The following AGBL3 variants were observed in gnomAD, a reference collection of about 807,000 sequenced individuals.
The protein encoded by AGBL3 is cytosolic carboxypeptidase 3.
In AGBL3, 68 loss-of-function variants were observed where a neutral mutation model predicts 94.5. The observed-to-expected ratio is 0.72, with a 90% CI of 0.59 to 0.88. The LOEUF is 0.88. Among genes scored for constraint, AGBL3 ranks in the 40% least tolerant of loss-of-function variants. The pLI is 0.00. For missense variants in AGBL3, 934 were observed against 1,103.8 expected (o/e 0.85, Z 2.18); for synonymous variants, 354 against 370.7 (o/e 0.95, Z 0.52).
At chr7:135,055,523 ATT>A (rs146216484) in intron 11 of AGBL3, among the ~76,000 whole-genome samples, 2 of 151,832 alleles carry the variant, frequency 1.3e-5, no homozygotes, top group East Asian at 3.9e-4. Context: ...TATTGATATA[ATT>A]TTTTTTCTGC....
At chr7:135,132,150 A>C (rs1484153293) in intron 16 of AGBL3, among the ~76,000 whole-genome samples, 2 of 152,216 alleles carry the variant, frequency 1.3e-5, no homozygotes, top group East Asian at 3.8e-4. Flanking sequence ...AGGAGTTCTC[A>C]GTTCATTTTA....
chr7:135,032,092 A>G (rs146856293), intron 5 of AGBL3, among the ~76,000 whole-genome samples: 2 of 152,224 alleles, frequency 1.3e-5, no homozygotes, highest in East Asian at 3.9e-4. Flanking sequence ...TCCAGCAAGT[A>G]CCCCTATGCA....
intron 5 of AGBL3, among the ~76,000 whole-genome samples, chr7:135,029,817 C>T (rs558568478): frequency 2.6e-5 from 4 of 152,170 alleles, no homozygotes; most frequent in Non-Finnish European, 5.9e-5. Context: ...CACTTGAGCA[C>T]ATGGAGGCCA....
intron 4 of AGBL3, among the ~76,000 whole-genome samples, chr7:135,008,990 C>G (rs1812760487): frequency 6.6e-6 from 1 of 152,154 alleles, no homozygotes; most frequent in African/African-American, 2.4e-5. Context: ...CAAGTGCTGA[C>G]AAGCATGTGG....
Position 135,110,440 on chromosome 7 carries a change from C to G in AGBL3, c.2111-4940C>G, listed in dbSNP as rs960650127. On this transcript the variant is annotated intron_variant, in intron 15 of 16. Transcript: ENST00000436302. Reference sequence around the variant, plus strand: ...CCTGAGTAGCTGCTCTGCCAAGACTCCATGTATCAATAACCCTATGTGTCA... The same window carrying G: ...CCTGAGTAGCTGCTCTGCCAAGACTGCATGTATCAATAACCCTATGTGTCA... Among the ~76,000 whole-genome samples the G allele has an allele frequency of 5.3e-5, 8 of 152,134 alleles. 1 individual carries two copies. The highest frequency in any genetic ancestry group is 1.9e-4 in the African/African-American group (8 of 41,428).
At chr7:135,108,715 T>C (rs1825151734) in intron 15 of AGBL3, among the ~76,000 whole-genome samples, 1 of 152,232 alleles carries the variant, frequency 6.6e-6, no homozygotes, top group South Asian at 2.1e-4. Flanking sequence ...GGGTTTCCTG[T>C]ATTTTCTGGA....
At chr7:135,026,172 A>T (rs1815069758) in intron 5 of AGBL3, among the ~76,000 whole-genome samples, 1 of 151,518 alleles carries the variant, frequency 6.6e-6, no homozygotes, top group African/African-American at 2.4e-5. Context: ...AAGACTCAAT[A>T]AATTAAAAAA....
At chr7:135,123,622 AATGTT>A (rs1442041384) in intron 16 of AGBL3, among the ~76,000 whole-genome samples, 1 of 152,144 alleles carries the variant, frequency 6.6e-6, no homozygotes. Flanking sequence ...TGAAGGAAAA[AATGTT>A]AAGGGCAGCC....
At chr7:135,054,073 C>T (rs2116643855) in intron 11 of AGBL3, among the ~76,000 whole-genome samples, 1 of 152,276 alleles carries the variant, frequency 6.6e-6, no homozygotes, top group Middle Eastern at 3.4e-3. Context: ...CAAGTCAGTA[C>T]TGAGAGACCC....
At chr7:134,996,528 A>T (rs1035738001) in intron 4 of AGBL3, among the ~76,000 whole-genome samples, 10 of 152,174 alleles carry the variant, frequency 6.6e-5, no homozygotes, top group Non-Finnish European at 1.0e-4. Flanking sequence ...CAGTCCAGCT[A>T]TAAATTAACT....
intron 11 of AGBL3, 25 bp from the exon 12 acceptor site, chr7:135,059,144 T>A: frequency 6.5e-7 from 1 of 1,538,852 alleles, no homozygotes; most frequent in Non-Finnish European, 8.8e-7. Flanking sequence ...AAACACTGTA[T>A]AAACCAAAAT....
intron 15 of AGBL3, among the ~76,000 whole-genome samples, chr7:135,114,066 G>A (rs1193497721): frequency 6.6e-6 from 1 of 152,062 alleles, no homozygotes; most frequent in Non-Finnish European, 1.5e-5. Flanking sequence ...ATATTCCATT[G>A]TATGAATATA....
At chr7:135,027,941 A>C (rs1011735434) in intron 5 of AGBL3, among the ~76,000 whole-genome samples, 5 of 151,734 alleles carry the variant, frequency 3.3e-5, no homozygotes, top group African/African-American at 1.2e-4. Context: ...CACTGCAATA[A>C]AGTGAATCTC....
chr7:135,004,765 C>T (rs2133428227), intron 4 of AGBL3, among the ~76,000 whole-genome samples: 1 of 151,514 alleles, frequency 6.6e-6, no homozygotes, highest in East Asian at 1.9e-4. Context: ...TAATACTTTA[C>T]ATTGTGTTTT....
At position 134,987,976 on chromosome 7, in the gene AGBL3, A is replaced by G. The variant is rs1351329396; in HGVS notation, c.43A>G (p.Ile15Val). The change falls in exon 2 of 17, where the codon ATC (isoleucine) becomes GTC (valine). Residue 15 changes from isoleucine (I) to valine (V), a missense_variant. Transcript: ENST00000436302. The part of the protein sequence containing the change: ...SEKEDYSDRT[I>V]SDEDESDEDM... ...AAAGGAAGACTATTCAGACAGAACA[A>G]TCAGTGATGAAGATGAATCGGTATG... 1.9e-6 allele frequency: 3 copies of G among 1,546,406 alleles called. No individual in the cohort carries two copies. The highest frequency in any genetic ancestry group is 2.6e-6 in the Non-Finnish European group (3 of 1,145,068).
chr7:135,135,208 A>C lies in AGBL3; in HGVS notation c.2710A>C (p.Asn904His), dbSNP rs1829290034. The part of the protein sequence containing the change: ...HLTKNKDEQA[N>H]KNDGQPTLYL... ...AACTAAAAATAAGGATGAGCAGGCC[A>C]ATAAGAATGATGGACAACCCACCTT... The change falls in exon 17 of 17, where the codon AAT becomes CAT. Residue 904 changes from asparagine (N) to histidine (H), a missense_variant. Asn to His is a moderately conservative substitution (Grantham distance 68). Around this residue, in one of 3 missense-constraint regions of AGBL3, gnomAD observed 441 missense variants for 518.2 expected, o/e 0.85. Coordinates refer to ENST00000436302, the MANE Select transcript of AGBL3 (RefSeq NM_178563.4). The C allele has an allele frequency of 1.3e-6, 2 of 1,544,902 alleles. No individual in the cohort carries two copies. Among genetic ancestry groups the C allele is most frequent in the Non-Finnish European group, 1.7e-6 (2 of 1,144,710 alleles).
At chr7:135,043,782 T>C (rs1243947942) in intron 8 of AGBL3, among the ~76,000 whole-genome samples, 3 of 144,844 alleles carry the variant, frequency 2.1e-5, no homozygotes, top group African/African-American at 5.0e-5. Flanking sequence ...TAAAGATATA[T>C]ACATATCTTT....
chr7:135,132,851 C>A (rs777817811), intron 16 of AGBL3, among the ~76,000 whole-genome samples: 70 of 152,236 alleles, frequency 4.6e-4, no homozygotes, highest in South Asian at 8.3e-4. Flanking sequence ...AATTACCCAG[C>A]ATTGGGTATG....
intron 15 of AGBL3, chr7:135,093,438 A>G (rs1182257013): frequency 6.6e-6 from 1 of 152,176 alleles, no homozygotes; most frequent in Admixed American, 6.5e-5. Context: ...CTGTTATAAA[A>G]ATCAATTGTA....
Sources: gnomAD v4.1 joint callset for allele counts (sites outside exome capture counted in the v4.1 genomes callset) on GRCh38, gnomAD v4.1.1 for gene constraint, gnomAD v4.1.1 regional missense constraint, MANE v1.5 for transcripts, NCBI Gene and HGNC (gene_info 2026-07-23, HGNC 2026-07-21) for gene names.